PRPSAP2: variants seen among roughly 807,000 people sequenced by gnomAD.
PRPSAP2 encodes the protein phosphoribosyl pyrophosphate synthase-associated protein 2.
PRPSAP2 carries 24 observed loss-of-function variants against 40.6 expected under a neutral mutation model. That is an observed-to-expected ratio of 0.59 (90% CI 0.43 to 0.83). PRPSAP2 has a LOEUF of 0.83. Among genes scored for constraint, PRPSAP2 ranks in the 40% least tolerant of loss-of-function variants. The probability of loss-of-function intolerance (pLI) is 0.00; values close to 1 mark genes in which losing one functional copy is unlikely to be tolerated. For missense variants in PRPSAP2, 292 were observed against 465.6 expected (o/e 0.63, Z 3.43); for synonymous variants, 149 against 164.7 (o/e 0.90, Z 0.73).
At chr17:18,876,410 A>G (rs1158071828) in intron 5 of PRPSAP2, among the ~76,000 whole-genome samples, 1 of 152,168 alleles carries the variant, frequency 6.6e-6, no homozygotes, top group Non-Finnish European at 1.5e-5. Context: ...GTCTCTTTTA[A>G]CTCATCAGAT....
At chr17:18,875,051 A>G (rs898314862) in intron 5 of PRPSAP2, among the ~76,000 whole-genome samples, 12 of 152,050 alleles carry the variant, frequency 7.9e-5, no homozygotes, top group African/African-American at 2.9e-4. Flanking sequence ...CTGGTTGTTT[A>G]TTTTTGTACA....
intron 9 of PRPSAP2, among the ~76,000 whole-genome samples, chr17:18,915,905 C>T (rs751238967): frequency 1.3e-5 from 2 of 151,818 alleles, no homozygotes; most frequent in Non-Finnish European, 2.9e-5. Flanking sequence ...CTGCAAGCTC[C>T]ACCTCCTGGG....
At chr17:18,909,558 A>G (rs777889733) in intron 8 of PRPSAP2, among the ~76,000 whole-genome samples, 1 of 151,824 alleles carries the variant, frequency 6.6e-6, no homozygotes, top group South Asian at 2.1e-4. Flanking sequence ...TGGCCTTTTT[A>G]TAAAGAGTTA....
chr17:18,885,429 A>AAAAG (rs59891086), intron 7 of PRPSAP2, among the ~76,000 whole-genome samples: 1 of 109,270 alleles, frequency 9.2e-6, no homozygotes, highest in Non-Finnish European at 1.9e-5. Flanking sequence ...AAAAAAAAAA[A>AAAAG]TTAATATGTG....
chr17:18,875,481 C>T (rs2038218033), intron 5 of PRPSAP2, among the ~76,000 whole-genome samples: 1 of 151,712 alleles, frequency 6.6e-6, no homozygotes, highest in African/African-American at 2.4e-5. Context: ...ACGAGAATTG[C>T]TTGAACGCAG....
intron 3 of PRPSAP2, among the ~76,000 whole-genome samples, chr17:18,866,884 G>T (rs1030311452): frequency 6.6e-6 from 1 of 152,184 alleles, no homozygotes; most frequent in African/African-American, 2.4e-5. Flanking sequence ...AAACTGAAGG[G>T]ATGGTGTGTG....
intron 4 of PRPSAP2, among the ~76,000 whole-genome samples, chr17:18,869,132 A>G (rs1272690412): frequency 1.3e-5 from 2 of 152,136 alleles, no homozygotes; most frequent in Non-Finnish European, 2.9e-5. Context: ...AGACTCCAGG[A>G]GACTGGTCCA....
At chr17:18,919,552 C>T (rs868579619) in intron 9 of PRPSAP2, among the ~76,000 whole-genome samples, 23 of 151,928 alleles carry the variant, frequency 1.5e-4, no homozygotes, top group Middle Eastern at 3.4e-3. Flanking sequence ...CCTGTAATCC[C>T]AGCTACTTGA....
chr17:18,919,634 CCAGCCTGTGTGACAG>C, intron 9 of PRPSAP2, among the ~76,000 whole-genome samples: 1 of 152,244 alleles, frequency 6.6e-6, no homozygotes, highest in East Asian at 1.9e-4. Context: ...CCACTGCACT[CCAGCCTGTGTGACAG>C]AGTGAGACCC....
intron 5 of PRPSAP2, among the ~76,000 whole-genome samples, chr17:18,874,444 A>T (rs776726416): frequency 8.5e-5 from 13 of 152,218 alleles, no homozygotes; most frequent in Non-Finnish European, 1.9e-4. Flanking sequence ...TAGTCTTGGA[A>T]CACACATTTT....
At position 18,909,929 on chromosome 17, in the gene PRPSAP2, C is replaced by T. The variant is rs140644844; in HGVS notation, c.585-1174C>T. On this transcript the variant is annotated intron_variant, in intron 8 of 11. Coordinates refer to ENST00000268835, the MANE Select transcript of PRPSAP2 (RefSeq NM_002767.4). ...GAAAGAAGGAAAGAAAGCATGTGCCCATACAGAGATCTGTGTATGAATGTT... is the reference window on the plus strand; with the variant it reads ...GAAAGAAGGAAAGAAAGCATGTGCCTATACAGAGATCTGTGTATGAATGTT... Among the ~76,000 whole-genome samples the T allele has an allele frequency of 6.3e-3, 962 of 152,124 alleles. 12 individuals are homozygous for T. Among genetic ancestry groups the T allele is most frequent in the South Asian group, 0.03 (144 of 4,810 alleles).
Position 18,930,542 on chromosome 17 carries a change from G to T in PRPSAP2, c.954G>T (p.Val318=). 6.2e-7 allele frequency: 1 copy of T among 1,611,342 alleles called. No individual in the cohort carries two copies. Among genetic ancestry groups the T allele is most frequent in the Non-Finnish European group, 8.5e-7 (1 of 1,178,484 alleles). Residue 318 remains valine, a splice_region_variant and synonymous_variant, in exon 12 of 12, where the codon GTG becomes GTT. Coordinates refer to ENST00000268835, the MANE Select transcript of PRPSAP2 (RefSeq NM_002767.4). ...GTTTTTTTTCTTTTGCTTCACAGGT[G>T]GTGGTCACCAATACAATTCCACATG... ...RRIEESAIDE[V]VVTNTIPHEV...
intron 4 of PRPSAP2, among the ~76,000 whole-genome samples, chr17:18,871,056 G>A (rs907637659): frequency 1.3e-5 from 2 of 151,930 alleles, no homozygotes; most frequent in Non-Finnish European, 2.9e-5. Context: ...ATCTGGCTTT[G>A]TCACCCAGGC....
intron 4 of PRPSAP2, among the ~76,000 whole-genome samples, chr17:18,869,955 C>A (rs995522460): frequency 2.0e-5 from 3 of 151,658 alleles, no homozygotes; most frequent in African/African-American, 7.3e-5. Context: ...TCAAGCGATA[C>A]TCCTGCCTCA....
intron 7 of PRPSAP2, among the ~76,000 whole-genome samples, chr17:18,889,404 A>G (rs987068256): frequency 6.6e-6 from 1 of 152,248 alleles, no homozygotes; most frequent in African/African-American, 2.4e-5. Context: ...TTGCTTCAAC[A>G]TGTTATGACT....
At chr17:18,927,867 C>T (rs1364092806) in intron 10 of PRPSAP2, among the ~76,000 whole-genome samples, 1 of 152,084 alleles carries the variant, frequency 6.6e-6, no homozygotes, top group Admixed American at 6.6e-5. Flanking sequence ...GCAACTTCTA[C>T]CTCCTGGCTA....
intron 8 of PRPSAP2, among the ~76,000 whole-genome samples, chr17:18,896,629 A>T: frequency 9.6e-6 from 1 of 104,432 alleles, no homozygotes; most frequent in Non-Finnish European, 1.8e-5. Context: ...CTCAACTGGT[A>T]TTGTCACTTC....
In PRPSAP2 at chr17:18,873,894, C is replaced by CT. The variant is rs922529010; in HGVS notation, c.239+1256dup. Reference sequence around the variant, plus strand: ...GGGAGGGTGATCACCTGGAGCCCTACTTTTTTTTTTTCTTTTTCTTTTTTC... The same window carrying CT: ...GGGAGGGTGATCACCTGGAGCCCTACTTTTTTTTTTTTCTTTTTCTTTTTTC... On this transcript the variant is annotated intron_variant, in intron 5 of 11. Coordinates refer to ENST00000268835, the MANE Select transcript of PRPSAP2 (RefSeq NM_002767.4). Among the ~76,000 whole-genome samples, 86 of 146,542 alleles carry CT rather than the reference C, an allele frequency of 5.9e-4. 1 individual carries two copies. The East Asian group carries it at 8.0e-3, about 14-fold the overall frequency.
At chr17:18,909,701 T>G (rs2040840789) in intron 8 of PRPSAP2, among the ~76,000 whole-genome samples, 2 of 151,638 alleles carry the variant, frequency 1.3e-5, no homozygotes, top group Non-Finnish European at 2.9e-5. Context: ...GGTCAGGAGT[T>G]GAAGACCAGC....
Sources: allele counts gnomAD v4.1 joint callset (sites outside exome capture counted in the v4.1 genomes callset), GRCh38; gene constraint gnomAD v4.1.1; transcripts MANE v1.5; gene names NCBI Gene and HGNC (gene_info 2026-07-23, HGNC 2026-07-21).